TNFRSF8: variants seen among roughly 807,000 people sequenced by gnomAD.
The protein encoded by TNFRSF8 is TNF receptor superfamily member 8, also known as tumor necrosis factor receptor superfamily member 8.
In TNFRSF8, 26 loss-of-function variants were observed where a neutral mutation model predicts 70.8. The ratio of observed to expected loss-of-function variants is 0.37; its 90% CI spans 0.27 to 0.51. The LOEUF (loss-of-function observed/expected upper bound fraction) is 0.51. TNFRSF8 is among the 20% of genes least tolerant of loss of function. The probability of loss-of-function intolerance (pLI) is 0.94; values close to 1 mark genes in which losing one functional copy is unlikely to be tolerated. For synonymous variants in TNFRSF8, 356 were observed against 339.2 expected (o/e 1.05, Z -0.54); for missense variants, 720 against 807.9 (o/e 0.89, Z 1.32).
chr1:12,083,933 G>T (rs1641108255), intron 1 of TNFRSF8, among the ~76,000 whole-genome samples: 1 of 152,194 alleles, frequency 6.6e-6, no homozygotes, highest in Admixed American at 6.5e-5. Flanking sequence ...GGAGGAGTGT[G>T]TGGGAGGGGG....
chr1:12,137,088 A>T (rs1642160312), intron 13 of TNFRSF8, among the ~76,000 whole-genome samples: 1 of 152,008 alleles, frequency 6.6e-6, no homozygotes, highest in African/African-American at 2.4e-5. Flanking sequence ...GGGAGTGGTG[A>T]TGACTCTTAG....
intron 1 of TNFRSF8, chr1:12,077,903 A>G (rs1396994898): frequency 1.3e-5 from 2 of 151,322 alleles, no homozygotes; most frequent in African/African-American, 2.4e-5. Flanking sequence ...CGTTTCATGA[A>G]TTTCCGTATC....
At position 12,138,164 on chromosome 1, in the gene TNFRSF8, C is replaced by T; in HGVS notation, c.1336-65C>T. The T allele has an allele frequency of 6.5e-7, 1 of 1,534,972 alleles. No homozygotes were observed. The highest frequency in any genetic ancestry group is 8.8e-7 in the Non-Finnish European group (1 of 1,130,590). On this transcript the variant is annotated intron_variant, in intron 13 of 14. Transcript: ENST00000263932. The surrounding 1 kb of genome is among the most constrained non-coding windows in gnomAD (Gnocchi z 5.7). ...TAGAGATGAAAAAAAAAAGGGGCCT[C>T]CCAGTTCAGAGACTGGTGGGGAGGT...
intron 12 of TNFRSF8, among the ~76,000 whole-genome samples, chr1:12,129,311 G>T (rs1187168466): frequency 6.6e-6 from 1 of 152,146 alleles, no homozygotes; most frequent in Non-Finnish European, 1.5e-5. Context: ...TGACTGACTG[G>T]ATGTCTCTCA....
rs369047118 is a variant in TNFRSF8, at chr1:12,135,258, T to C, written c.1310-330T>C. 2.0e-4 allele frequency among the ~76,000 whole-genome samples: 29 copies of C among 144,544 alleles called. 1 individual carries two copies. In the South Asian group the frequency reaches 5.6e-3, roughly 28 times the overall value. 94.8% of individuals were successfully genotyped at this position (144,544 alleles called of 152,430 possible). On this transcript the variant is annotated intron_variant, in intron 12 of 14. Transcript: ENST00000263932. ...TTGAACCCAGGAGGCGGAGGTTACA[T>C]TGAGCCGAGATCATGCCACTGCACT...
At position 12,141,107 on chromosome 1, in the gene TNFRSF8, A is replaced by G. The variant is rs1398358309; in HGVS notation, c.1544-1180A>G. Among the ~76,000 whole-genome samples the G allele has an allele frequency of 6.6e-6, 1 of 152,212 alleles. No individual in the cohort carries two copies. The highest frequency in any genetic ancestry group is 1.5e-5 in the Non-Finnish European group (1 of 68,034). ...CTGGGGGTGTTCAAAACCAGAATAG[A>G]AGAACCAGCGTCATGCAATAGGGTT... On this transcript the variant is annotated intron_variant, in intron 14 of 14. Coordinates refer to ENST00000263932, the MANE Select transcript of TNFRSF8 (RefSeq NM_001243.5). The surrounding 1 kb of genome is among the most constrained non-coding windows in gnomAD (Gnocchi z 5.4).
chr1:12,083,758 C>A (rs1641104929), intron 1 of TNFRSF8, among the ~76,000 whole-genome samples: 1 of 152,174 alleles, frequency 6.6e-6, no homozygotes, highest in Non-Finnish European at 1.5e-5. Flanking sequence ...TACTGCAAAG[C>A]AATGGACAGA....
At chr1:12,107,502 AT>A (rs1003889015) in intron 4 of TNFRSF8, among the ~76,000 whole-genome samples, 82 of 152,200 alleles carry the variant, frequency 5.4e-4, no homozygotes, top group African/African-American at 2.0e-3. Context: ...AAACAAGAAT[AT>A]AATTAATTAT....
At chr1:12,117,768 A>G (rs1641758916) in intron 8 of TNFRSF8, among the ~76,000 whole-genome samples, 1 of 152,126 alleles carries the variant, frequency 6.6e-6, no homozygotes, top group Non-Finnish European at 1.5e-5. Flanking sequence ...TGAACTCAGG[A>G]CGTTTAGGGT....
intron 4 of TNFRSF8, among the ~76,000 whole-genome samples, chr1:12,105,429 A>G (rs1225243602): frequency 6.6e-6 from 1 of 151,742 alleles, no homozygotes; most frequent in Non-Finnish European, 1.5e-5. Context: ...TTGGCCTCCA[A>G]TTATCTTCCC....
chr1:12,078,240 G>A (rs111351450), intron 1 of TNFRSF8, among the ~76,000 whole-genome samples: 21 of 152,124 alleles, frequency 1.4e-4, no homozygotes, highest in African/African-American at 5.1e-4. Flanking sequence ...TGATAGGTTG[G>A]GGGCCAGGGA....
chr1:12,135,404 T>C (rs986070715), intron 12 of TNFRSF8, among the ~76,000 whole-genome samples, 184 bp from the exon 13 acceptor site: 16 of 151,218 alleles, frequency 1.1e-4, no homozygotes, highest in Admixed American at 1.1e-3. Context: ...TGAGCCTCCT[T>C]GCCTTGAGCT....
Position 12,123,888 on chromosome 1 carries a change from G to C in TNFRSF8, c.1153+61G>C. ...AGGGGCTTCCTCCTGGGGAAGTGTGGATTGGGGGAGCCAGGAGGGAGCTTC... is the reference window on the plus strand; with the variant it reads ...AGGGGCTTCCTCCTGGGGAAGTGTGCATTGGGGGAGCCAGGAGGGAGCTTC... On this transcript the variant is annotated intron_variant, in intron 10 of 14. Transcript: ENST00000263932. 19 of 1,417,322 alleles carry C rather than the reference G, an allele frequency of 1.3e-5. No homozygotes were observed. In the South Asian group the frequency reaches 2.4e-4, roughly 18 times the overall value. The allele number at this position is 1,417,322 out of a possible 1,614,324, so 87.8% of individuals were successfully genotyped here. A position where few individuals can be genotyped will look rare whatever the true frequency, so the allele number is the denominator to read the frequency against.
intron 2 of TNFRSF8, among the ~76,000 whole-genome samples, chr1:12,094,351 GACC>G (rs1427100989): frequency 2.0e-5 from 3 of 152,178 alleles, no homozygotes; most frequent in African/African-American, 7.2e-5. Context: ...CGGGGCAGAG[GACC>G]AGCTTGTGCA....
intron 8 of TNFRSF8, among the ~76,000 whole-genome samples, chr1:12,117,029 A>G (rs1347264270): frequency 6.6e-6 from 1 of 152,174 alleles, no homozygotes; most frequent in African/African-American, 2.4e-5. Context: ...TGGCATGGCC[A>G]CTGACCAGTT....
In TNFRSF8 at chr1:12,138,199, C is replaced by G. The variant is rs749479349; in HGVS notation, c.1336-30C>G. ...AGACTGGTGGGGAGGTTGGGGGTAC[C>G]CTGCAGCAGCACCCATTCCCGTCCC... On this transcript the variant is annotated intron_variant, in intron 13 of 14. Coordinates refer to ENST00000263932, the MANE Select transcript of TNFRSF8 (RefSeq NM_001243.5). This position sits in a 1 kb window ranked among gnomAD's most constrained non-coding sequence, Gnocchi z 5.7. The G allele has an allele frequency of 2.5e-6, 4 of 1,606,828 alleles. No homozygotes were observed. The highest frequency in any genetic ancestry group is 1.1e-5 in the South Asian group (1 of 90,780).
intron 2 of TNFRSF8, among the ~76,000 whole-genome samples, chr1:12,093,778 T>C (rs950738994): frequency 4.6e-5 from 7 of 152,252 alleles, no homozygotes; most frequent in Middle Eastern, 3.4e-3. Context: ...TGACCTCAAA[T>C]GATCCGCCTG....
At chr1:12,078,421 A>G (rs1002135262) in intron 1 of TNFRSF8, among the ~76,000 whole-genome samples, 2 of 152,068 alleles carry the variant, frequency 1.3e-5, no homozygotes, top group Admixed American at 1.3e-4. Flanking sequence ...AAAATTAGCC[A>G]GGTGTGGTGC....
rs539593455 is a variant in TNFRSF8 at position 12,109,559 on chromosome 1, C to A, written c.422-7C>A. ...TGATTCTGAAGGCACTGCTGTCCCC[C>A]CTGCAGGCACGGCGCAGAAGAACAC... On this transcript the variant is annotated splice_polypyrimidine_tract_variant and splice_region_variant and intron_variant, in intron 4 of 14. Coordinates refer to ENST00000263932, the MANE Select transcript of TNFRSF8 (RefSeq NM_001243.5). The surrounding 1 kb of genome is among the most constrained non-coding windows in gnomAD (Gnocchi z 4.4). 6 of 1,612,908 alleles carry A rather than the reference C, an allele frequency of 3.7e-6. No homozygotes were observed. The highest frequency in any genetic ancestry group is 1.7e-4 in the Middle Eastern group (1 of 6,056).
Sources: allele counts gnomAD v4.1 joint callset (sites outside exome capture counted in the v4.1 genomes callset), GRCh38; gene constraint gnomAD v4.1.1; non-coding constraint Gnocchi (gnomAD v3.1); transcripts MANE v1.5; gene names NCBI Gene and HGNC (gene_info 2026-07-23, HGNC 2026-07-21).